ZFYVE28: variants seen among roughly 807,000 people sequenced by gnomAD.
ZFYVE28 encodes the protein zinc finger FYVE-type containing 28.
Under a neutral mutation model 82.1 loss-of-function variants are expected in ZFYVE28, and 40 were observed. The observed-to-expected ratio is 0.49, with a 90% CI of 0.38 to 0.63. The LOEUF (loss-of-function observed/expected upper bound fraction) is 0.63. Ranked by LOEUF, ZFYVE28 falls within the 30% of genes least tolerant of loss-of-function variation. The pLI, the probability that ZFYVE28 is intolerant of heterozygous loss-of-function variation, is 0.00. For synonymous variants in ZFYVE28, 612 were observed against 546.1 expected (o/e 1.12, Z -1.68); for missense variants, 1,321 against 1,242.1 (o/e 1.06, Z -0.96).
At position 2,270,335 on chromosome 4, in the gene ZFYVE28, G is replaced by C. The variant is rs1735800289; in HGVS notation, c.*390C>G. The C allele has an allele frequency of 4.6e-6, 1 of 216,630 alleles. No homozygotes were observed. Among genetic ancestry groups the C allele is most frequent in the Non-Finnish European group, 8.8e-6 (1 of 114,008 alleles). 13.4% of individuals were successfully genotyped at this position (216,630 alleles called of 1,614,324 possible). The stretch of plus-strand genomic sequence containing the variant: ...GGAGTGGCCCTTGCTCCGGCTTCCA[G>C]ATTCACCGCAACAGCAGAGGCGCAG... On this transcript the variant is annotated 3_prime_UTR_variant, in exon 13 of 13. Transcript: ENST00000290974.
chr4:2,394,382 G>A lies in ZFYVE28; in HGVS notation c.39+23903C>T, dbSNP rs151104085. On this transcript the variant is annotated intron_variant, in intron 1 of 12. Coordinates refer to ENST00000290974, the MANE Select transcript of ZFYVE28 (RefSeq NM_020972.3). The surrounding 1 kb of genome is among the most constrained non-coding windows in gnomAD (Gnocchi z 4.0). ...CACCCACCCCAGCAGCCACGTATGC[G>A]ATCCCACGGCCACACCTGCTCCAAT... is the stretch of plus-strand genomic sequence containing the variant. Among the ~76,000 whole-genome samples, 154 of 152,228 alleles carry A rather than the reference G, an allele frequency of 1.0e-3. No individual in the cohort carries two copies. The highest frequency in any genetic ancestry group is 3.5e-3 in the African/African-American group (147 of 41,526).
At chr4:2,363,044 C>T (rs1397898283) in intron 1 of ZFYVE28, among the ~76,000 whole-genome samples, 1 of 152,152 alleles carries the variant, frequency 6.6e-6, no homozygotes, top group East Asian at 1.9e-4. Context: ...CCCAGCACAG[C>T]CTGACCAGGG....
intron 7 of ZFYVE28, among the ~76,000 whole-genome samples, chr4:2,319,264 C>G (rs909476146): frequency 1.3e-5 from 2 of 152,128 alleles, no homozygotes; most frequent in East Asian, 1.9e-4. Context: ...TCACATCCCC[C>G]CAAGCAGGAG....
At chr4:2,303,209 G>A (rs543096343) in intron 8 of ZFYVE28, among the ~76,000 whole-genome samples, 6 of 152,190 alleles carry the variant, frequency 3.9e-5, no homozygotes, top group Admixed American at 2.0e-4. Flanking sequence ...TGACCGTCAC[G>A]GGACCCTGGT....
intron 2 of ZFYVE28, chr4:2,343,097 T>C (rs1433079194): frequency 6.6e-6 from 1 of 152,252 alleles, no homozygotes; most frequent in Non-Finnish European, 1.5e-5. Context: ...TGTCTTCTGC[T>C]GGACACTGAC....
At chr4:2,374,106 T>C (rs1727859730) in intron 1 of ZFYVE28, among the ~76,000 whole-genome samples, 2 of 152,200 alleles carry the variant, frequency 1.3e-5, no homozygotes, top group African/African-American at 4.8e-5. Flanking sequence ...ATGTTTTTAC[T>C]CTAAAATCAT....
chr4:2,358,625 A>T (rs891755012), intron 1 of ZFYVE28, among the ~76,000 whole-genome samples: 1 of 152,142 alleles, frequency 6.6e-6, no homozygotes, highest in Non-Finnish European at 1.5e-5. Context: ...CTGAGCACAG[A>T]CTGCCCTGCC....
At chr4:2,366,207 A>G (rs1560291356) in intron 1 of ZFYVE28, among the ~76,000 whole-genome samples, 1 of 152,238 alleles carries the variant, frequency 6.6e-6, no homozygotes, top group Non-Finnish European at 1.5e-5. Flanking sequence ...ACACGCACCA[A>G]AAACATTCAC....
chr4:2,343,395 G>C lies in ZFYVE28; in HGVS notation c.181-1780C>G, dbSNP rs1224821040. On this transcript the variant is annotated intron_variant, in intron 2 of 12. Transcript: ENST00000290974. ...AGATACGAAAACTCACTATGAGTGGGGAAGCATGACCCTTCTCAGGCAAGA... is the reference window on the plus strand; with the variant it reads ...AGATACGAAAACTCACTATGAGTGGCGAAGCATGACCCTTCTCAGGCAAGA... 3 of 152,110 alleles carry C rather than the reference G, an allele frequency of 2.0e-5. No individual in the cohort carries two copies. In the South Asian group the frequency reaches 6.2e-4, roughly 32 times the overall value. 9.4% of individuals were successfully genotyped at this position (152,110 alleles called of 1,614,324 possible). A position where few individuals can be genotyped will look rare whatever the true frequency, so the allele number is the denominator to read the frequency against.
At chr4:2,292,940 A>G (rs1377943163) in intron 8 of ZFYVE28, among the ~76,000 whole-genome samples, 2 of 152,224 alleles carry the variant, frequency 1.3e-5, no homozygotes, top group Non-Finnish European at 2.9e-5. Context: ...CTAATACCTC[A>G]TGACCATGTA....
intron 1 of ZFYVE28, among the ~76,000 whole-genome samples, chr4:2,405,638 C>G (rs1270110574): frequency 6.6e-6 from 1 of 152,362 alleles, no homozygotes; most frequent in African/African-American, 2.4e-5. Context: ...GGCCCCCGTG[C>G]CCATTGTCTC....
At chr4:2,307,891 T>C (rs1381040907) in intron 7 of ZFYVE28, among the ~76,000 whole-genome samples, 2 of 152,248 alleles carry the variant, frequency 1.3e-5, no homozygotes, top group African/African-American at 2.4e-5. Context: ...GATAACCATA[T>C]GAGACATTTT....
At chr4:2,386,835 C>T (rs1179404142) in intron 1 of ZFYVE28, among the ~76,000 whole-genome samples, 1 of 152,266 alleles carries the variant, frequency 6.6e-6, no homozygotes, top group Non-Finnish European at 1.5e-5. Context: ...AGTAAAACCC[C>T]GCTGCGCGCC....
chr4:2,329,260 T>C (rs1720325746), intron 6 of ZFYVE28: 1 of 462,110 alleles, frequency 2.2e-6, no homozygotes, highest in South Asian at 5.1e-5. Context: ...ACATGGAATG[T>C]CTTTCTCTTT....
chr4:2,307,478 T>C (rs1472046501), intron 7 of ZFYVE28, among the ~76,000 whole-genome samples: 2 of 152,154 alleles, frequency 1.3e-5, no homozygotes, highest in Non-Finnish European at 2.9e-5. Context: ...TTCTCCTTGA[T>C]ATTTTCCTCT....
rs964950457 is a variant in ZFYVE28, at chr4:2,300,724, G to A, written c.2051+3565C>T. Among the ~76,000 whole-genome samples the A allele has an allele frequency of 3.3e-5, 5 of 152,082 alleles. No homozygotes were observed. In the East Asian group the frequency reaches 7.7e-4, roughly 23 times the overall value. ...GGGGAATCTCACAGGCTGGTCGGCCGCAGCTCCACACATTTCCTTCATTTG... is the reference window on the plus strand; with the variant it reads ...GGGGAATCTCACAGGCTGGTCGGCCACAGCTCCACACATTTCCTTCATTTG... On this transcript the variant is annotated intron_variant, in intron 8 of 12. Transcript: ENST00000290974. This position sits in a 1 kb window ranked among gnomAD's most constrained non-coding sequence, Gnocchi z 4.6.
chr4:2,341,215 G>A lies in ZFYVE28; in HGVS notation c.318+263C>T, dbSNP rs750059611. 3.7e-6 allele frequency: 2 copies of A among 546,714 alleles called. No homozygotes were observed. The highest frequency in any genetic ancestry group is 3.2e-5 in the Admixed American group (1 of 31,024). 33.9% of individuals were successfully genotyped at this position (546,714 alleles called of 1,614,324 possible). ...CCACTTTTAGGTCCTGGCTGTCTGGGGGCCTGTGAACCTCATAAAAACCAC... is the reference window on the plus strand; with the variant it reads ...CCACTTTTAGGTCCTGGCTGTCTGGAGGCCTGTGAACCTCATAAAAACCAC... On this transcript the variant is annotated intron_variant, in intron 3 of 12. Transcript: ENST00000290974. This position sits in a 1 kb window ranked among gnomAD's most constrained non-coding sequence, Gnocchi z 4.5.
chr4:2,366,335 C>T (rs1380772312), intron 1 of ZFYVE28, among the ~76,000 whole-genome samples: 1 of 152,244 alleles, frequency 6.6e-6, no homozygotes, highest in Non-Finnish European at 1.5e-5. Flanking sequence ...GCACGTGGGC[C>T]TCCCTCAGAA....
chr4:2,396,150 C>G lies in ZFYVE28; in HGVS notation c.39+22135G>C, dbSNP rs368781706. ...GGCGGGGTGTCTGAGCTGATGGGAC[C>G]AGCCATCCTGCAGAGGGGACACAAG... is the stretch of plus-strand genomic sequence containing the variant. On this transcript the variant is annotated intron_variant, in intron 1 of 12. Transcript: ENST00000290974. Among the ~76,000 whole-genome samples, 45 of 26,884 alleles carry G rather than the reference C, an allele frequency of 1.7e-3. 1 individual carries two copies. Among genetic ancestry groups the G allele is most frequent in the Admixed American group, 3.8e-3 (6 of 1,576 alleles). 17.6% of individuals were successfully genotyped at this position (26,884 alleles called of 152,430 possible). A position where few individuals can be genotyped will look rare whatever the true frequency, so the allele number is the denominator to read the frequency against.
Sources: gnomAD v4.1 joint callset for allele counts (sites outside exome capture counted in the v4.1 genomes callset) on GRCh38, gnomAD v4.1.1 for gene constraint, Gnocchi (gnomAD v3.1) non-coding constraint, MANE v1.5 for transcripts, NCBI Gene and HGNC (gene_info 2026-07-23, HGNC 2026-07-21) for gene names.